Variants in ADK observed in about 807,000 individuals in gnomAD.
ADK encodes N6,N6-dimethyladenosine kinase.
In ADK, 24 loss-of-function variants were observed where a neutral mutation model predicts 44.7. That is an observed-to-expected ratio of 0.54 (90% CI 0.39 to 0.76). ADK has a LOEUF of 0.76. Among genes scored for constraint, ADK ranks in the 30% least tolerant of loss-of-function variants. The pLI is 0.00. For missense variants in ADK, 321 were observed against 425.1 expected (o/e 0.76, Z 2.15); for synonymous variants, 128 against 142.6 (o/e 0.90, Z 0.73).
intron 10 of ADK, among the ~76,000 whole-genome samples, chr10:74,674,795 TC>T (rs1855323092): frequency 6.6e-6 from 1 of 152,152 alleles, no homozygotes; most frequent in Non-Finnish European, 1.5e-5. Context: ...GGCAGGAGAT[TC>T]ACTTGAACCC....
intron 3 of ADK, among the ~76,000 whole-genome samples, chr10:74,311,047 G>A (rs924704870): frequency 4.6e-5 from 7 of 152,050 alleles, no homozygotes; most frequent in African/African-American, 1.4e-4. Context: ...CAGTTTATAT[G>A]CTTATTGCAC....
intron 6 of ADK, among the ~76,000 whole-genome samples, chr10:74,465,168 A>T (rs1166213863): frequency 1.3e-5 from 2 of 152,178 alleles, no homozygotes; most frequent in African/African-American, 4.8e-5. Context: ...CTCACCCAAG[A>T]CAGTGATGTT....
At chr10:74,641,610 A>G (rs1478136689) in intron 9 of ADK, 2 of 152,214 alleles carry the variant, frequency 1.3e-5, no homozygotes, top group Admixed American at 6.5e-5. Context: ...TGAAAAAGCA[A>G]TTACAGGTTG....
intron 7 of ADK, among the ~76,000 whole-genome samples, chr10:74,545,067 A>G (rs774740540): frequency 2.0e-5 from 3 of 152,004 alleles, no homozygotes; most frequent in Non-Finnish European, 4.4e-5. Context: ...ATTCTTCCAT[A>G]CTTATGTCTG....
intron 6 of ADK, among the ~76,000 whole-genome samples, chr10:74,496,336 C>G (rs969074941): frequency 1.3e-5 from 2 of 152,156 alleles, no homozygotes; most frequent in Non-Finnish European, 2.9e-5. Flanking sequence ...AAGGGTGGGA[C>G]CAGGTGGAGG....
At chr10:74,195,707 C>CTTTTTTTTTT (rs71475265) in intron 1 of ADK, among the ~76,000 whole-genome samples, 164 of 97,468 alleles carry the variant, frequency 1.7e-3, no homozygotes, top group Non-Finnish European at 2.5e-3. Context: ...TCTTTTCTTT[C>CTTTTTTTTTT]TTTTTTTTTT....
At chr10:74,703,355 A>C (rs1214978201) in intron 10 of ADK, among the ~76,000 whole-genome samples, 2 of 151,858 alleles carry the variant, frequency 1.3e-5, no homozygotes, top group Admixed American at 1.3e-4. Context: ...TGTGGTGTGC[A>C]CCTGTGGTCC....
rs942272850 is a variant in ADK at position 74,159,781 on chromosome 10, C to G, written c.65+8438C>G. On this transcript the variant is annotated intron_variant, in intron 1 of 10. Coordinates refer to ENST00000539909, the MANE Select transcript of ADK (RefSeq NM_006721.4). ...CTACTTTTTGTATTTTTAGTAGAGA[C>G]AGGGTTTCACAATGTTGGCCAGGCT... Among the ~76,000 whole-genome samples the G allele has an allele frequency of 3.3e-5, 5 of 152,052 alleles. 1 individual carries two copies. In the South Asian group the frequency reaches 1.0e-3, roughly 32 times the overall value.
At chr10:74,173,181 C>G (rs1468935656) in intron 1 of ADK, among the ~76,000 whole-genome samples, 1 of 151,282 alleles carries the variant, frequency 6.6e-6, no homozygotes, top group Non-Finnish European at 1.5e-5. Flanking sequence ...CAAGCTCCAC[C>G]TTGGGTTCAC....
chr10:74,554,831 C>T (rs969209304), intron 7 of ADK, among the ~76,000 whole-genome samples: 3 of 151,240 alleles, frequency 2.0e-5, no homozygotes, highest in Admixed American at 1.3e-4. Flanking sequence ...TTCTTTCCCA[C>T]AGAATATCGT....
At chr10:74,431,334 C>T (rs1844991849) in intron 6 of ADK, among the ~76,000 whole-genome samples, 1 of 152,158 alleles carries the variant, frequency 6.6e-6, no homozygotes, top group East Asian at 1.9e-4. Context: ...ATCACATCGG[C>T]CCAAATGTTT....
At chr10:74,237,618 G>A (rs972170216) in intron 3 of ADK, among the ~76,000 whole-genome samples, 12 of 152,102 alleles carry the variant, frequency 7.9e-5, no homozygotes, top group African/African-American at 2.2e-4. Flanking sequence ...GAGGAATCAC[G>A]GTCTATGGCA....
chr10:74,416,061 C>CACACAT (rs571987645), intron 6 of ADK, among the ~76,000 whole-genome samples: 2 of 128,072 alleles, frequency 1.6e-5, no homozygotes, highest in Non-Finnish European at 3.5e-5. Context: ...CACACACACA[C>CACACAT]ACACATATAT....
chr10:74,629,138 T>C (rs896519811), intron 9 of ADK, among the ~76,000 whole-genome samples: 14 of 152,032 alleles, frequency 9.2e-5, no homozygotes. Flanking sequence ...CAAACAATCC[T>C]CCTGCCTCAG....
chr10:74,631,679 A>G (rs964022517), intron 9 of ADK, among the ~76,000 whole-genome samples: 5 of 152,112 alleles, frequency 3.3e-5, no homozygotes, highest in African/African-American at 1.2e-4. Context: ...CTGAACCATC[A>G]AGACCAGGGA....
At chr10:74,377,462 A>AT (rs1235201629) in intron 4 of ADK, among the ~76,000 whole-genome samples, 1 of 152,232 alleles carries the variant, frequency 6.6e-6, no homozygotes, top group African/African-American at 2.4e-5. Flanking sequence ...AACATGTTAC[A>AT]TATGTCCCAT....
intron 9 of ADK, 151 bp from the exon 10 acceptor site, chr10:74,670,032 A>G: frequency 1.5e-6 from 1 of 687,600 alleles, no homozygotes; most frequent in Non-Finnish European, 2.6e-6. Flanking sequence ...TTTGCACCTT[A>G]GTTCCCAAGT....
intron 3 of ADK, among the ~76,000 whole-genome samples, chr10:74,308,864 T>G (rs1435095131): frequency 2.0e-5 from 3 of 152,126 alleles, no homozygotes; most frequent in Non-Finnish European, 4.4e-5. Flanking sequence ...TCACTCGCTC[T>G]CTCTCTCTCT....
intron 4 of ADK, among the ~76,000 whole-genome samples, chr10:74,364,252 T>G (rs1191787992): frequency 6.6e-5 from 10 of 152,226 alleles, no homozygotes; most frequent in Admixed American, 6.5e-4. Flanking sequence ...TCTTGATCTT[T>G]GCTAACTTTG....
Sources: gnomAD v4.1 joint callset for allele counts (sites outside exome capture counted in the v4.1 genomes callset) on GRCh38, gnomAD v4.1.1 for gene constraint, MANE v1.5 for transcripts, NCBI Gene and HGNC (gene_info 2026-07-23, HGNC 2026-07-21) for gene names.